Variants in MYO3A observed in about 807,000 individuals in gnomAD.
MYO3A encodes the protein myosin IIIA.
Under a neutral mutation model 192.7 loss-of-function variants are expected in MYO3A, and 180 were observed. The observed-to-expected ratio is 0.93, with a 90% CI of 0.83 to 1.06. The LOEUF (loss-of-function observed/expected upper bound fraction) is 1.06. Among genes scored for constraint, MYO3A ranks in the 50% least tolerant of loss-of-function variants. The pLI is 0.00. For synonymous variants in MYO3A, 628 were observed against 645.3 expected (o/e 0.97, Z 0.41); for missense variants, 1,896 against 1,905.0 (o/e 1.00, Z 0.09).
chr10:26,039,202 G>A (rs1481006104), intron 10 of MYO3A, among the ~76,000 whole-genome samples: 9 of 137,020 alleles, frequency 6.6e-5, no homozygotes, highest in Admixed American at 1.5e-4. Context: ...CACCAGGCTC[G>A]GCTAATTTTT....
In MYO3A at chr10:25,996,739, C is replaced by T. The variant is rs1395514787; in HGVS notation, c.408+145C>T. The T allele has an allele frequency of 1.1e-5, 8 of 733,458 alleles. No individual in the cohort carries two copies. In the East Asian group the frequency reaches 1.1e-4, roughly 10 times the overall value. 45.4% of individuals were successfully genotyped at this position (733,458 alleles called of 1,614,324 possible). ...TATATGCAAAATCTGACATGTTCAG[C>T]ATAGCTAATTCTTTTTTTCCACTAC... On this transcript the variant is annotated intron_variant, in intron 5 of 34. Transcript: ENST00000642920.
chr10:26,120,779 C>G lies in MYO3A; in HGVS notation c.1880C>G (p.Ser627Cys). 1 of 1,614,078 alleles carries G rather than the reference C, an allele frequency of 6.2e-7. No individual in the cohort carries two copies. Among genetic ancestry groups the G allele is most frequent in the Non-Finnish European group, 8.5e-7 (1 of 1,179,990 alleles). The stretch of plus-strand genomic sequence containing the variant: ...CACCAGATTGACAAGAGCCACATTT[C>G]TAATCATACAGCCCTGGAGAACTGT... ...TEHQIDKSHI[S>C]NHTALENCAS... The change falls in exon 18 of 35, where the codon TCT becomes TGT. Residue 627 changes from serine (S) to cysteine (C), a missense_variant. Ser to Cys is a moderately radical substitution (Grantham distance 112). Coordinates refer to ENST00000642920, the MANE Select transcript of MYO3A (RefSeq NM_017433.5).
intron 4 of MYO3A, among the ~76,000 whole-genome samples, chr10:25,992,956 G>C (rs1285713663): frequency 1.3e-5 from 2 of 152,024 alleles, no homozygotes; most frequent in Non-Finnish European, 2.9e-5. Flanking sequence ...CAGGGATATT[G>C]GTCTAAAATT....
Position 26,012,374 on chromosome 10 carries a change from A to G in MYO3A, c.509-4446A>G, listed in dbSNP as rs561417473. ...CTCCTCCAAAAAACTCTTAGATTTGATAAACTAATTCAGTCAAGTCTTAGG... is the reference window on the plus strand; with the variant it reads ...CTCCTCCAAAAAACTCTTAGATTTGGTAAACTAATTCAGTCAAGTCTTAGG... On this transcript the variant is annotated intron_variant, in intron 6 of 34. Coordinates refer to ENST00000642920, the MANE Select transcript of MYO3A (RefSeq NM_017433.5). Among the ~76,000 whole-genome samples the G allele has an allele frequency of 3.9e-5, 6 of 152,338 alleles. No homozygotes were observed. In the South Asian group the frequency reaches 1.2e-3, roughly 32 times the overall value.
intron 23 of MYO3A, among the ~76,000 whole-genome samples, chr10:26,147,873 G>A (rs1222866254): frequency 3.3e-5 from 5 of 152,168 alleles, no homozygotes. Context: ...GGAGTGGGCA[G>A]CTTTTGGATG....
At chr10:26,169,460 GA>G (rs72443477) in intron 28 of MYO3A, among the ~76,000 whole-genome samples, 14,868 of 151,868 alleles carry the variant, frequency 0.098, 857 homozygotes, top group African/African-American at 0.14. Context: ...GATACTTAGA[GA>G]AAAAAAATGT....
intron 10 of MYO3A, among the ~76,000 whole-genome samples, chr10:26,060,279 AC>A (rs1169128094): frequency 0.33 from 46,096 of 138,500 alleles, 7,802 homozygotes; most frequent in Middle Eastern, 0.46. Context: ...ATAAATAAAT[AC>A]ATACATAAAT....
chr10:26,079,102 A>C (rs923769349), intron 14 of MYO3A, among the ~76,000 whole-genome samples: 3 of 152,154 alleles, frequency 2.0e-5, no homozygotes, highest in Admixed American at 2.0e-4. Context: ...TAGTGCTGTC[A>C]GTGGAGTATT....
chr10:26,079,565 T>G (rs1835794886), intron 14 of MYO3A, among the ~76,000 whole-genome samples: 1 of 152,120 alleles, frequency 6.6e-6, no homozygotes, highest in South Asian at 2.1e-4. Context: ...GTACTTTTGA[T>G]TTTGTTTTTT....
chr10:25,957,815 G>A (rs1009659389), intron 4 of MYO3A, among the ~76,000 whole-genome samples: 1 of 152,052 alleles, frequency 6.6e-6, no homozygotes, highest in Non-Finnish European at 1.5e-5. Flanking sequence ...ATCTCATTGT[G>A]TTTTGATTTT....
At chr10:25,997,108 T>G (rs763066841) in intron 5 of MYO3A, 51 bp from the exon 6 acceptor site, 2 of 1,455,900 alleles carry the variant, frequency 1.4e-6, no homozygotes, top group South Asian at 2.3e-5. Flanking sequence ...CTGAAAATTT[T>G]TATTGTTTGA....
In MYO3A at chr10:26,062,527, A is replaced by AC. The variant is rs1177775993; in HGVS notation, c.954-4448_954-4447insC. Among the ~76,000 whole-genome samples the AC allele has an allele frequency of 7.1e-4, 83 of 117,358 alleles. 1 individual carries two copies. The highest frequency in any genetic ancestry group is 5.2e-3 in the Middle Eastern group (1 of 192). The allele number at this position is 117,358 out of a possible 152,430, so 77.0% of individuals were successfully genotyped here. A position where few individuals can be genotyped will look rare whatever the true frequency, so the allele number is the denominator to read the frequency against. On this transcript the variant is annotated intron_variant, in intron 10 of 34. Coordinates refer to ENST00000642920, the MANE Select transcript of MYO3A (RefSeq NM_017433.5). ...TGAGATGCCATCTCAAAAAAAAAAA[A>AC]AAAAAATTATGGAGGAATCTAATTA... is the stretch of plus-strand genomic sequence containing the variant.
chr10:25,991,171 C>T (rs1316663090), intron 4 of MYO3A, among the ~76,000 whole-genome samples: 1 of 152,152 alleles, frequency 6.6e-6, no homozygotes, highest in Non-Finnish European at 1.5e-5. Context: ...CTCTCCAGCA[C>T]CTGTTGTTTC....
chr10:26,192,472 G>A (rs1421499014), intron 31 of MYO3A, among the ~76,000 whole-genome samples: 1 of 152,092 alleles, frequency 6.6e-6, no homozygotes, highest in Non-Finnish European at 1.5e-5. Flanking sequence ...GCTGGTACAA[G>A]GGGGAGGGAA....
intron 17 of MYO3A, among the ~76,000 whole-genome samples, chr10:26,098,238 C>T (rs887971274): frequency 1.5e-4 from 23 of 152,116 alleles, no homozygotes; most frequent in East Asian, 3.8e-4. Context: ...TCATATCCTT[C>T]GCCCACTTTT....
intron 20 of MYO3A, among the ~76,000 whole-genome samples, chr10:26,140,662 G>A (rs908209441): frequency 6.7e-6 from 1 of 150,174 alleles, no homozygotes; most frequent in African/African-American, 2.5e-5. Context: ...TCCAGCCTGG[G>A]TGACAGAGCG....
intron 7 of MYO3A, among the ~76,000 whole-genome samples, chr10:26,020,912 T>A (rs1395926930): frequency 1.3e-5 from 2 of 152,238 alleles, no homozygotes; most frequent in Non-Finnish European, 2.9e-5. Flanking sequence ...TGGCCCCAGA[T>A]AGGCTGTTGG....
At chr10:26,185,556 T>C (rs1002238259) in intron 31 of MYO3A, among the ~76,000 whole-genome samples, 1 of 152,026 alleles carries the variant, frequency 6.6e-6, no homozygotes, top group African/African-American at 2.4e-5. Context: ...GCCAGACTGG[T>C]CTCGAACTCC....
chr10:26,207,221 G>C (rs568575032), intron 34 of MYO3A, among the ~76,000 whole-genome samples: 3 of 151,986 alleles, frequency 2.0e-5, no homozygotes, highest in Non-Finnish European at 4.4e-5. Flanking sequence ...TTTTTAGTTT[G>C]ATGTAATCCC....
Sources: allele counts gnomAD v4.1 joint callset (sites outside exome capture counted in the v4.1 genomes callset), GRCh38; gene constraint gnomAD v4.1.1; transcripts MANE v1.5; gene names NCBI Gene and HGNC (gene_info 2026-07-23, HGNC 2026-07-21).